The following NTN4 variants were observed in gnomAD, a reference collection of about 807,000 sequenced individuals.
The protein encoded by NTN4 is netrin 4.
A neutral mutation model predicts 73.6 loss-of-function variants in NTN4; 32 were observed. The observed-to-expected ratio is 0.44, with a 90% CI of 0.33 to 0.58. The LOEUF is 0.58. Among genes scored for constraint, NTN4 ranks in the 20% least tolerant of loss-of-function variants. NTN4 has a pLI of 0.04. For missense variants in NTN4, 654 were observed against 798.3 expected (o/e 0.82, Z 2.18); for synonymous variants, 258 against 287.5 (o/e 0.90, Z 1.04).
At chr12:95,668,387 G>A (rs957036527) in intron 8 of NTN4, among the ~76,000 whole-genome samples, 2 of 152,166 alleles carry the variant, frequency 1.3e-5, no homozygotes, top group African/African-American at 2.4e-5. Context: ...AACTGACTTT[G>A]AACTAAATTA....
rs923059840 is a variant in NTN4, at chr12:95,732,130, A to C, written c.864+5736T>G. ...TGAAGTATTTTAAAATCCTGATTTT[A>C]TAGTCTAATTTAATAACTTTATTGT... On this transcript the variant is annotated intron_variant, in intron 3 of 9. Transcript: ENST00000343702. Among the ~76,000 whole-genome samples the C allele has an allele frequency of 2.6e-5, 4 of 152,322 alleles. No individual in the cohort carries two copies. The South Asian group carries it at 8.3e-4, about 32-fold the overall frequency.
In NTN4 at chr12:95,787,373, T is replaced by C. The variant is rs756543652; in HGVS notation, c.151A>G (p.Thr51Ala). ...TCGGTAGCATTCTGACCGCAGGTGG[T>C]GTCTGCCCAGAGTTTTCGCCCCAAA... ...LALGRKLWAD[T>A]TCGQNATELY... is the part of the protein sequence containing the mutation. Residue 51 changes from threonine to alanine, a missense_variant, in exon 2 of 10, where the codon ACC becomes GCC. By Grantham distance (58) the Thr-to-Ala change is moderately conservative. Transcript: ENST00000343702. 1 of 1,614,204 alleles carries C rather than the reference T, an allele frequency of 6.2e-7. No homozygotes were observed. The highest frequency in any genetic ancestry group is 1.1e-5 in the South Asian group (1 of 91,080).
intron 7 of NTN4, among the ~76,000 whole-genome samples, chr12:95,680,835 T>C (rs2078309359): frequency 1.3e-5 from 2 of 152,108 alleles, no homozygotes. Context: ...TGCTTAAGCC[T>C]CCTGAGTAGC....
chr12:95,667,192 CTT>C (rs771438926), intron 8 of NTN4, among the ~76,000 whole-genome samples: 17 of 137,076 alleles, frequency 1.2e-4, no homozygotes, highest in Admixed American at 3.0e-4. Flanking sequence ...TAGGGAAGTT[CTT>C]TTTTTTTTTT....
At chr12:95,749,467 C>T (rs1340709531) in intron 2 of NTN4, among the ~76,000 whole-genome samples, 4 of 152,200 alleles carry the variant, frequency 2.6e-5, no homozygotes, top group Non-Finnish European at 4.4e-5. Flanking sequence ...TCCAACCTCT[C>T]TCACTGTCCC....
intron 9 of NTN4, among the ~76,000 whole-genome samples, chr12:95,662,314 C>T (rs945562029): frequency 1.3e-5 from 2 of 150,994 alleles, no homozygotes; most frequent in African/African-American, 4.9e-5. Context: ...CTGTAGCCTC[C>T]ACCTCCCTAG....
intron 2 of NTN4, among the ~76,000 whole-genome samples, chr12:95,768,856 T>C (rs2079037439): frequency 6.6e-6 from 1 of 152,096 alleles, no homozygotes; most frequent in African/African-American, 2.4e-5. Flanking sequence ...AGTAGCACAA[T>C]GGGATAGGAC....
intron 2 of NTN4, among the ~76,000 whole-genome samples, chr12:95,764,236 CAGG>C (rs1434311468): frequency 1.3e-5 from 2 of 152,150 alleles, no homozygotes; most frequent in Admixed American, 6.5e-5. Flanking sequence ...GGAAACTGAG[CAGG>C]AGATTAAAAT....
In NTN4 at chr12:95,770,200, A is replaced by G. The variant is rs553459294; in HGVS notation, c.585+16739T>C. On this transcript the variant is annotated intron_variant, in intron 2 of 9. Coordinates refer to ENST00000343702, the MANE Select transcript of NTN4 (RefSeq NM_021229.4). The stretch of plus-strand genomic sequence containing the variant: ...AGAAAGAAAAATGGCCAGAAGCAAC[A>G]AATGGGAATGAGTAAGAAAGGTGGG... Among the ~76,000 whole-genome samples, 357 of 152,336 alleles carry G rather than the reference A, an allele frequency of 2.3e-3. 1 individual carries two copies. Among genetic ancestry groups the G allele is most frequent in the Middle Eastern group, 0.01 (3 of 294 alleles).
At chr12:95,667,960 G>C (rs1172277685) in intron 8 of NTN4, among the ~76,000 whole-genome samples, 1 of 152,128 alleles carries the variant, frequency 6.6e-6, no homozygotes, top group Non-Finnish European at 1.5e-5. Flanking sequence ...GTTTGGGCTA[G>C]AACCCTGATG....
chr12:95,714,891 CAG>C (rs2078594250), intron 3 of NTN4, among the ~76,000 whole-genome samples: 1 of 152,164 alleles, frequency 6.6e-6, no homozygotes, highest in Non-Finnish European at 1.5e-5. Flanking sequence ...GACATGTGCT[CAG>C]AGTGGCCAAA....
intron 3 of NTN4, among the ~76,000 whole-genome samples, chr12:95,732,033 T>A (rs2078740910): frequency 6.6e-6 from 1 of 152,200 alleles, no homozygotes; most frequent in South Asian, 2.1e-4. Flanking sequence ...CCATGATAGT[T>A]TTTTTCTGTG....
At chr12:95,767,725 G>A (rs563710853) in intron 2 of NTN4, among the ~76,000 whole-genome samples, 17 of 152,114 alleles carry the variant, frequency 1.1e-4, no homozygotes, top group African/African-American at 4.1e-4. Flanking sequence ...ACTAAGCAAC[G>A]CCCCCCCTCC....
In NTN4 at chr12:95,710,319, T is replaced by C. The variant is rs1310966259; in HGVS notation, c.1180+122A>G. On this transcript the variant is annotated intron_variant, in intron 5 of 9. Coordinates refer to ENST00000343702, the MANE Select transcript of NTN4 (RefSeq NM_021229.4). ...TTATCAATGAAGAAATTAACCGATATCTGTGAGTGTGTTATCTCAGAACCT... is the reference window on the plus strand; with the variant it reads ...TTATCAATGAAGAAATTAACCGATACCTGTGAGTGTGTTATCTCAGAACCT... 3 of 701,238 alleles carry C rather than the reference T, an allele frequency of 4.3e-6. No individual in the cohort carries two copies. The East Asian group carries it at 8.2e-5, about 19-fold the overall frequency. The allele number at this position is 701,238 out of a possible 1,614,324, so 43.4% of individuals were successfully genotyped here.
At chr12:95,682,463 A>G (rs1426614310) in intron 7 of NTN4, among the ~76,000 whole-genome samples, 10 of 150,802 alleles carry the variant, frequency 6.6e-5, no homozygotes, top group Admixed American at 3.3e-4. Flanking sequence ...GCATTTTCCA[A>G]ATTTTCTATA....
chr12:95,666,970 G>A (rs1488697437), intron 8 of NTN4, among the ~76,000 whole-genome samples: 4 of 152,090 alleles, frequency 2.6e-5, no homozygotes, highest in East Asian at 1.9e-4. Flanking sequence ...TGTGATATCC[G>A]CCACCACAGA....
In NTN4 at chr12:95,790,742, C is replaced by A; in HGVS notation, c.-433G>T. Reference sequence around the variant, plus strand: ...GCTTTTCCCACCTCTTCTGGCTGCCCCGGCTCCGTCCCGTCCTTCTCCACG... The same window carrying A: ...GCTTTTCCCACCTCTTCTGGCTGCCACGGCTCCGTCCCGTCCTTCTCCACG... On this transcript the variant is annotated 5_prime_UTR_variant, in exon 1 of 10. Coordinates refer to ENST00000343702, the MANE Select transcript of NTN4 (RefSeq NM_021229.4). This position sits in a 1 kb window ranked among gnomAD's most constrained non-coding sequence, Gnocchi z 6.5. 1 of 154,998 alleles carries A rather than the reference C, an allele frequency of 6.5e-6. No homozygotes were observed. Among genetic ancestry groups the A allele is most frequent in the South Asian group, 1.9e-4 (1 of 5,382 alleles). 9.6% of individuals were successfully genotyped at this position (154,998 alleles called of 1,614,324 possible).
chr12:95,785,945 A>C (rs2079164427), intron 2 of NTN4, among the ~76,000 whole-genome samples: 1 of 152,052 alleles, frequency 6.6e-6, no homozygotes, highest in African/African-American at 2.4e-5. Context: ...GCATCGTCTG[A>C]GGTTTAGCAT....
At chr12:95,697,621 G>A in intron 5 of NTN4, among the ~76,000 whole-genome samples, 1 of 150,580 alleles carries the variant, frequency 6.6e-6, no homozygotes, top group East Asian at 1.9e-4. Flanking sequence ...CAAAACTAAA[G>A]GCTTTTACTT....
Sources: allele counts gnomAD v4.1 joint callset (sites outside exome capture counted in the v4.1 genomes callset), GRCh38; gene constraint gnomAD v4.1.1; non-coding constraint Gnocchi (gnomAD v3.1); transcripts MANE v1.5; gene names NCBI Gene and HGNC (gene_info 2026-07-23, HGNC 2026-07-21).